The following ADAM12 variants were observed in gnomAD, a reference collection of about 807,000 sequenced individuals.
ADAM12 encodes the protein disintegrin and metalloproteinase domain-containing protein 12.
ADAM12 carries 70 observed loss-of-function variants against 106.4 expected under a neutral mutation model. The ratio of observed to expected loss-of-function variants is 0.66; its 90% CI spans 0.54 to 0.80. The LOEUF (loss-of-function observed/expected upper bound fraction) is 0.80. Among genes scored for constraint, ADAM12 ranks in the 30% least tolerant of loss-of-function variants. The probability of loss-of-function intolerance (pLI) is 0.00; values close to 1 mark genes in which losing one functional copy is unlikely to be tolerated. For missense variants in ADAM12, 1,010 were observed against 1,171.9 expected, an observed-to-expected ratio of 0.86 and a Z score of 2.02; for synonymous variants, 420 against 433.5, an observed-to-expected ratio of 0.97 and a Z score of 0.39.
chr10:126,057,691 C>A (rs1954661816), intron 14 of ADAM12, among the ~76,000 whole-genome samples: 1 of 152,198 alleles, frequency 6.6e-6, no homozygotes, highest in Non-Finnish European at 1.5e-5. Flanking sequence ...TGATTCAGCA[C>A]AACTCCTTCC....
intron 3 of ADAM12, among the ~76,000 whole-genome samples, chr10:126,278,045 G>A (rs944842174): frequency 3.3e-5 from 5 of 152,122 alleles, no homozygotes; most frequent in African/African-American, 9.7e-5. Context: ...GAGGGCCTGC[G>A]ACCTCTACTC....
At chr10:126,195,145 G>A (rs1056572616) in intron 3 of ADAM12, among the ~76,000 whole-genome samples, 6 of 152,126 alleles carry the variant, frequency 3.9e-5, no homozygotes, top group East Asian at 1.9e-4. Flanking sequence ...ACAAAATTTC[G>A]GTTAGGAGGA....
At chr10:126,138,437 C>G (rs372437336) in intron 4 of ADAM12, among the ~76,000 whole-genome samples, 1 of 152,120 alleles carries the variant, frequency 6.6e-6, no homozygotes, top group Non-Finnish European at 1.5e-5. Flanking sequence ...TGCAGTGGCA[C>G]GATCTCGGCT....
chr10:126,097,718 C>T (rs946784941), intron 10 of ADAM12, among the ~76,000 whole-genome samples: 2 of 152,120 alleles, frequency 1.3e-5, no homozygotes, highest in Admixed American at 1.3e-4. Context: ...GGGTGAAAAC[C>T]TCTCCTTTAA....
rs375703674 is a variant in ADAM12 at position 126,281,130 on chromosome 10, C to T, written c.187-2142G>A. Among the ~76,000 whole-genome samples the T allele has an allele frequency of 7.9e-5, 12 of 152,154 alleles. No individual in the cohort carries two copies. In the East Asian group the frequency reaches 1.4e-3, roughly 17 times the overall value. The stretch of plus-strand genomic sequence containing the variant: ...TTCTCTTCAGGGTTTGTAATATGTA[C>T]CCATTAATTATATGTGTGAAGAACA... On this transcript the variant is annotated intron_variant, in intron 2 of 22. Coordinates refer to ENST00000448723, the MANE Select transcript of ADAM12 (RefSeq NM_001288973.2).
Position 126,283,663 on chromosome 10 carries a change from C to T in ADAM12, c.187-4675G>A, listed in dbSNP as rs957246806. 5.3e-5 allele frequency among the ~76,000 whole-genome samples: 8 copies of T among 152,290 alleles called. No individual in the cohort carries two copies. The Middle Eastern group carries it at 0.014, about 259-fold the overall frequency. On this transcript the variant is annotated intron_variant, in intron 2 of 22. Transcript: ENST00000448723. ...TCCTTTCCTGCTTTCTTCCTCCTCC[C>T]TTTCTCTTGTCATTGTGAATTTGTA...
At chr10:126,096,474 A>G (rs895133863) in intron 10 of ADAM12, among the ~76,000 whole-genome samples, 1 of 152,276 alleles carries the variant, frequency 6.6e-6, no homozygotes, top group Non-Finnish European at 1.5e-5. Flanking sequence ...TTCAGTCACT[A>G]AAATTAATGA....
At chr10:126,375,247 T>C (rs4356138) in intron 1 of ADAM12, among the ~76,000 whole-genome samples, 23,405 of 141,424 alleles carry the variant, frequency 0.17, 2,181 homozygotes, top group Middle Eastern at 0.29. Context: ...CAAGAAGCCA[T>C]GGTTAAAAAA....
chr10:126,252,473 CT>C (rs951808275), intron 3 of ADAM12, among the ~76,000 whole-genome samples: 4 of 152,174 alleles, frequency 2.6e-5, no homozygotes, highest in Non-Finnish European at 4.4e-5. Flanking sequence ...TGATGTAACT[CT>C]GTCTAAGGCC....
At chr10:126,209,560 G>T (rs147314211) in intron 3 of ADAM12, among the ~76,000 whole-genome samples, 1 of 152,124 alleles carries the variant, frequency 6.6e-6, no homozygotes, top group South Asian at 2.1e-4. Flanking sequence ...CTTTGCTGGC[G>T]ACAAACACAG....
intron 3 of ADAM12, among the ~76,000 whole-genome samples, chr10:126,175,433 A>T (rs1298072870): frequency 6.6e-6 from 1 of 152,018 alleles, no homozygotes; most frequent in Non-Finnish European, 1.5e-5. Flanking sequence ...TTGGAACACC[A>T]AGACGAGACT....
intron 1 of ADAM12, among the ~76,000 whole-genome samples, chr10:126,362,502 T>C (rs1243082530): frequency 1.3e-5 from 2 of 152,168 alleles, no homozygotes; most frequent in African/African-American, 2.4e-5. Flanking sequence ...TGAACTCCCA[T>C]GTGCATTGCA....
chr10:126,373,085 G>A (rs1317544483), intron 1 of ADAM12, among the ~76,000 whole-genome samples: 1 of 152,170 alleles, frequency 6.6e-6, no homozygotes, highest in Non-Finnish European at 1.5e-5. Flanking sequence ...AATCTATATG[G>A]AATCATAGCA....
At chr10:126,155,137 A>T in intron 4 of ADAM12, 90 bp downstream of exon 4, 2 of 1,397,918 alleles carry the variant, frequency 1.4e-6, no homozygotes, top group East Asian at 4.6e-5. Flanking sequence ...GAATCTGGGC[A>T]TGTGATTTTG....
intron 3 of ADAM12, among the ~76,000 whole-genome samples, chr10:126,270,929 C>T (rs7910628): frequency 2.6e-5 from 4 of 152,178 alleles, no homozygotes; most frequent in South Asian, 2.1e-4. Flanking sequence ...ATTTAGATAC[C>T]GTCAGGGCCA....
chr10:126,037,199 G>A (rs1041997252), intron 20 of ADAM12, among the ~76,000 whole-genome samples: 2 of 151,416 alleles, frequency 1.3e-5, no homozygotes, highest in African/African-American at 2.4e-5. Context: ...TCATTCCATT[G>A]TGCAAATATA....
intron 6 of ADAM12, among the ~76,000 whole-genome samples, chr10:126,113,116 G>A (rs1388958558): frequency 6.6e-6 from 1 of 152,224 alleles, no homozygotes; most frequent in East Asian, 1.9e-4. Context: ...CCTGAAGGAT[G>A]AGAAAGAGGC....
At chr10:126,238,011 G>T (rs1958452012) in intron 3 of ADAM12, among the ~76,000 whole-genome samples, 1 of 152,162 alleles carries the variant, frequency 6.6e-6, no homozygotes, top group African/African-American at 2.4e-5. Flanking sequence ...CGATGGTACG[G>T]AAGAAAACAA....
chr10:126,321,265 G>T (rs1453582868), intron 2 of ADAM12, among the ~76,000 whole-genome samples: 1 of 151,932 alleles, frequency 6.6e-6, no homozygotes, highest in African/African-American at 2.4e-5. Flanking sequence ...GATATCTCCT[G>T]CATTATCCAA....
Sources: allele counts gnomAD v4.1 joint callset (sites outside exome capture counted in the v4.1 genomes callset), GRCh38; gene constraint gnomAD v4.1.1; transcripts MANE v1.5; gene names NCBI Gene and HGNC (gene_info 2026-07-23, HGNC 2026-07-21).